The following ZNF410 variants were observed in gnomAD, a reference collection of about 807,000 sequenced individuals.
The protein encoded by ZNF410 is zinc finger protein 410.
A neutral mutation model predicts 54.8 loss-of-function variants in ZNF410; 18 were observed. The observed-to-expected ratio is 0.33, with a 90% CI of 0.23 to 0.49. The LOEUF (loss-of-function observed/expected upper bound fraction) is 0.49, where lower values mean the gene tolerates loss of function less well. Ranked by LOEUF, ZNF410 falls within the 20% of genes least tolerant of loss-of-function variation. ZNF410 has a pLI of 0.99. For synonymous variants in ZNF410, 191 were observed against 207.3 expected (o/e 0.92, Z 0.68); for missense variants, 405 against 569.6 (o/e 0.71, Z 2.94).
In ZNF410 at chr14:73,931,577, T is replaced by C. The variant is rs922570844; in HGVS notation, c.*36T>C. 1.2e-6 allele frequency: 2 copies of C among 1,603,358 alleles called. No homozygotes were observed. The highest frequency in any genetic ancestry group is 1.7e-5 in the Admixed American group (1 of 58,614). ...TGACTCCTGGAAGAGCAACTCTATC[T>C]GATCTCAAAATGCGTATACTGGGAA... On this transcript the variant is annotated 3_prime_UTR_variant, in exon 12 of 12. Transcript: ENST00000555044.
intron 8 of ZNF410, among the ~76,000 whole-genome samples, chr14:73,917,228 A>G (rs746387056): frequency 7.9e-5 from 12 of 152,190 alleles, no homozygotes; most frequent in Non-Finnish European, 1.3e-4. Context: ...TGTCTACAGA[A>G]TGAAGTTTAA....
In ZNF410 at chr14:73,922,183, A is replaced by G. The variant is rs759215224; in HGVS notation, c.1247A>G (p.Asn416Ser). 7 of 1,613,708 alleles carry G rather than the reference A, an allele frequency of 4.3e-6. No homozygotes were observed. The highest frequency in any genetic ancestry group is 3.3e-5 in the South Asian group (3 of 91,036). The change falls in exon 10 of 12, where the codon AAT becomes AGT. Residue 416 changes from asparagine to serine, a missense_variant. By Grantham distance (46) the Asn-to-Ser change is conservative (BLOSUM62 1). Transcript: ENST00000555044. ...GGESLNLPNT[N>S]SILGVDDEVL... is the part of the protein sequence containing the mutation. Reference sequence around the variant, plus strand: ...GAGTCCTTGAACCTACCAAATACCAATTCTATCCTGGGAGTTGATGATGGT... The same window carrying G: ...GAGTCCTTGAACCTACCAAATACCAGTTCTATCCTGGGAGTTGATGATGGT...
At chr14:73,910,482 G>A (rs1429325399) in intron 8 of ZNF410, among the ~76,000 whole-genome samples, 4 of 152,130 alleles carry the variant, frequency 2.6e-5, no homozygotes, top group African/African-American at 4.8e-5. Flanking sequence ...GGTGGCTCAC[G>A]CCTGTAATCC....
At chr14:73,906,917 G>A (rs932380016) in intron 7 of ZNF410, among the ~76,000 whole-genome samples, 2 of 151,548 alleles carry the variant, frequency 1.3e-5, no homozygotes, top group Non-Finnish European at 2.9e-5. Flanking sequence ...TTTACTCAGT[G>A]TACTCTCTTG....
intron 7 of ZNF410, 193 bp downstream of exon 7, chr14:73,905,276 T>A: frequency 1.8e-6 from 1 of 567,768 alleles, no homozygotes; most frequent in Non-Finnish European, 2.9e-6. Flanking sequence ...CCTGTGTGTG[T>A]AGAGTAGACA....
At position 73,894,216 on chromosome 14, in the gene ZNF410, G is replaced by A. The variant is rs1035352951; in HGVS notation, c.169+284G>A. 6.1e-6 allele frequency: 4 copies of A among 651,498 alleles called. No individual in the cohort carries two copies. The African/African-American group carries it at 7.2e-5, about 12-fold the overall frequency. The allele number at this position is 651,498 out of a possible 1,614,324, so 40.4% of individuals were successfully genotyped here. A position where few individuals can be genotyped will look rare whatever the true frequency, so the allele number is the denominator to read the frequency against. On this transcript the variant is annotated intron_variant, in intron 3 of 11. Transcript: ENST00000555044. Reference sequence around the variant, plus strand: ...AGGGTAGGGCAGGAGAACTTGTAAAGGAGGGAAGAAACAAAGACTAAAATA... The same window carrying A: ...AGGGTAGGGCAGGAGAACTTGTAAAAGAGGGAAGAAACAAAGACTAAAATA...
At chr14:73,900,624 C>T (rs1161652401) in intron 5 of ZNF410, among the ~76,000 whole-genome samples, 1 of 152,156 alleles carries the variant, frequency 6.6e-6, no homozygotes, top group Non-Finnish European at 1.5e-5. Flanking sequence ...ATCTGCCTGC[C>T]TCTGCCTCCC....
chr14:73,915,315 G>A (rs2055647866), intron 8 of ZNF410, among the ~76,000 whole-genome samples: 1 of 150,774 alleles, frequency 6.6e-6, no homozygotes, highest in African/African-American at 2.4e-5. Context: ...CCAGTCTTAG[G>A]GGAAAAGCAT....
intron 8 of ZNF410, among the ~76,000 whole-genome samples, chr14:73,912,636 A>G (rs1566660920): frequency 2.0e-5 from 3 of 152,220 alleles, no homozygotes; most frequent in Non-Finnish European, 2.9e-5. Flanking sequence ...AAGTAGGGCT[A>G]TTTGATCATT....
intron 7 of ZNF410, among the ~76,000 whole-genome samples, chr14:73,905,962 CACACACATATATAT>C (rs765201358): frequency 2.3e-3 from 53 of 22,880 alleles, no homozygotes; most frequent in South Asian, 0.02. Context: ...CACACACACA[CACACACATATATAT>C]ATATATATAT....
At chr14:73,911,281 G>C (rs1175718692) in intron 8 of ZNF410, among the ~76,000 whole-genome samples, 1 of 152,134 alleles carries the variant, frequency 6.6e-6, no homozygotes, top group Non-Finnish European at 1.5e-5. Context: ...GGAGGAGAGG[G>C]ATTCTAGAAT....
intron 8 of ZNF410, chr14:73,914,743 C>T (rs1030478916): frequency 2.6e-5 from 4 of 151,186 alleles, no homozygotes; most frequent in Non-Finnish European, 4.4e-5. Flanking sequence ...ATTCTATTGC[C>T]TCAGCCTCCT....
Position 73,932,207 on chromosome 14 carries a change from T to G in ZNF410, c.*666T>G. 1 of 337,790 alleles carries G rather than the reference T, an allele frequency of 3.0e-6. No homozygotes were observed. The highest frequency in any genetic ancestry group is 5.7e-6 in the Non-Finnish European group (1 of 175,088). The allele number at this position is 337,790 out of a possible 1,614,324, so 20.9% of individuals were successfully genotyped here. A position where few individuals can be genotyped will look rare whatever the true frequency, so the allele number is the denominator to read the frequency against. ...TGTTAAGAGGGATTTCATGTTTTTGTTTTTTTAAAGTTAAAAATTACATGA... is the reference window on the plus strand; with the variant it reads ...TGTTAAGAGGGATTTCATGTTTTTGGTTTTTTAAAGTTAAAAATTACATGA... On this transcript the variant is annotated 3_prime_UTR_variant, in exon 12 of 12. Transcript: ENST00000555044.
At chr14:73,905,968 C>CACACATAT (rs1461702433) in intron 7 of ZNF410, among the ~76,000 whole-genome samples, 124 of 78,902 alleles carry the variant, frequency 1.6e-3, no homozygotes, top group African/African-American at 5.0e-3. Context: ...CACACACACA[C>CACACATAT]ATATATATAT....
intron 11 of ZNF410, among the ~76,000 whole-genome samples, chr14:73,929,135 T>A (rs1372556973): frequency 6.6e-6 from 1 of 152,234 alleles, no homozygotes; most frequent in Non-Finnish European, 1.5e-5. Flanking sequence ...ATACCCTCTG[T>A]CTGAGCCTCA....
chr14:73,900,609 A>G (rs1440982808), intron 5 of ZNF410, among the ~76,000 whole-genome samples: 1 of 152,062 alleles, frequency 6.6e-6, no homozygotes, highest in Non-Finnish European at 1.5e-5. Flanking sequence ...TCCTGACCCA[A>G]GGTGATCTGC....
At chr14:73,925,151 G>GTCA (rs2140328590) in intron 11 of ZNF410, among the ~76,000 whole-genome samples, 1 of 109,388 alleles carries the variant, frequency 9.1e-6, no homozygotes, top group African/African-American at 3.1e-5. Flanking sequence ...TTTTATTGTT[G>GTCA]TGACCCATTG....
At chr14:73,895,796 A>G (rs2055308575) in intron 3 of ZNF410, among the ~76,000 whole-genome samples, 1 of 152,162 alleles carries the variant, frequency 6.6e-6, no homozygotes, top group Non-Finnish European at 1.5e-5. Flanking sequence ...CCTCTCTACT[A>G]AAAATGCAAA....
chr14:73,897,864 C>T (rs1379675550), intron 4 of ZNF410, among the ~76,000 whole-genome samples: 2 of 150,638 alleles, frequency 1.3e-5, no homozygotes, highest in Non-Finnish European at 2.9e-5. Flanking sequence ...CCCAGCTACT[C>T]AGGAGGCTGA....
Sources: gnomAD v4.1 joint callset for allele counts (sites outside exome capture counted in the v4.1 genomes callset) on GRCh38, gnomAD v4.1.1 for gene constraint, MANE v1.5 for transcripts, NCBI Gene and HGNC (gene_info 2026-07-23, HGNC 2026-07-21) for gene names.